LHFPL3: variants seen among roughly 807,000 people sequenced by gnomAD.
LHFPL3 encodes LHFPL tetraspan subfamily member 3 protein.
A neutral mutation model predicts 19.3 loss-of-function variants in LHFPL3; 5 were observed. The observed-to-expected ratio is 0.26, with a 90% CI of 0.14 to 0.54. The LOEUF is 0.54. Ranked by LOEUF, LHFPL3 falls within the 20% of genes least tolerant of loss-of-function variation. The pLI is 0.94. For missense variants in LHFPL3, 249 were observed against 307.4 expected (o/e 0.81, Z 1.42); for synonymous variants, 133 against 126.2 (o/e 1.05, Z -0.36).
In LHFPL3 at chr7:104,329,286, C is replaced by T. The variant is rs559850183; in HGVS notation, c.445+62C>T. The T allele has an allele frequency of 5.7e-4, 873 of 1,531,926 alleles. 6 individuals are homozygous for T. The African/African-American group carries it at 0.01, about 18-fold the overall frequency. 94.9% of individuals were successfully genotyped at this position (1,531,926 alleles called of 1,614,324 possible). ...CCGGGGCGCCCGAGCCGGGGAGGGG[C>T]CAGAGTGGGAGGGACGGGGGCTGTG... On this transcript the variant is annotated intron_variant, in intron 1 of 2. Coordinates refer to ENST00000424859, the MANE Select transcript of LHFPL3 (RefSeq NM_199000.3).
At chr7:104,629,792 C>T (rs1791608399) in intron 1 of LHFPL3, among the ~76,000 whole-genome samples, 1 of 152,190 alleles carries the variant, frequency 6.6e-6, no homozygotes, top group African/African-American at 2.4e-5. Flanking sequence ...CTTTAGCTGA[C>T]TCTTCAGCTT....
intron 1 of LHFPL3, among the ~76,000 whole-genome samples, chr7:104,344,426 C>T (rs1790024693): frequency 6.6e-6 from 1 of 152,132 alleles, no homozygotes; most frequent in African/African-American, 2.4e-5. Context: ...CACCCTTCCC[C>T]TTCTGAATCT....
chr7:104,397,798 A>G (rs1791221577), intron 1 of LHFPL3, among the ~76,000 whole-genome samples: 1 of 152,212 alleles, frequency 6.6e-6, no homozygotes, highest in African/African-American at 2.4e-5. Flanking sequence ...AGGTGACAGC[A>G]GACTTGGCTT....
At chr7:104,736,953 A>T (rs182606402) in intron 2 of LHFPL3, 42 bp downstream of exon 2, 2 of 1,472,760 alleles carry the variant, frequency 1.4e-6, no homozygotes. Context: ...TGCCTCAAGC[A>T]CAAAAAAATG....
Position 104,583,613 on chromosome 7 carries a change from A to G in LHFPL3, c.446-153062A>G, listed in dbSNP as rs372608899. Among the ~76,000 whole-genome samples the G allele has an allele frequency of 9.8e-5, 15 of 152,370 alleles. No homozygotes were observed. In the East Asian group the frequency reaches 1.9e-3, roughly 20 times the overall value. On this transcript the variant is annotated intron_variant, in intron 1 of 2. Coordinates refer to ENST00000424859, the MANE Select transcript of LHFPL3 (RefSeq NM_199000.3). ...TACGAAGAACCCAAACAAATTTACA[A>G]GAAAACAAATAACCCCATCAAAAAG...
At chr7:104,860,177 C>CA (rs1491381586) in intron 2 of LHFPL3, among the ~76,000 whole-genome samples, 1,566 of 66,054 alleles carry the variant, frequency 0.024, 15 homozygotes, top group South Asian at 0.08. Context: ...CATACACCCA[C>CA]CCACACACAC....
At chr7:104,449,128 AAGAT>A (rs1792384226) in intron 1 of LHFPL3, among the ~76,000 whole-genome samples, 5 of 152,324 alleles carry the variant, frequency 3.3e-5, no homozygotes, top group African/African-American at 1.2e-4. Context: ...TCTGAACTGA[AAGAT>A]AGAATTCTGC....
chr7:104,831,879 C>T (rs893117740), intron 2 of LHFPL3, among the ~76,000 whole-genome samples: 2 of 151,884 alleles, frequency 1.3e-5, no homozygotes, highest in Admixed American at 6.6e-5. Flanking sequence ...TTTGTTTTAT[C>T]GGTAAATGGA....
intron 2 of LHFPL3, among the ~76,000 whole-genome samples, chr7:104,897,351 CTG>C (rs1440657429): frequency 6.6e-6 from 1 of 152,160 alleles, no homozygotes; most frequent in Non-Finnish European, 1.5e-5. Flanking sequence ...CTTCTGGACT[CTG>C]CAGTCCGCTT....
intron 1 of LHFPL3, among the ~76,000 whole-genome samples, chr7:104,587,421 C>A (rs1291864371): frequency 6.6e-6 from 1 of 152,192 alleles, no homozygotes; most frequent in Non-Finnish European, 1.5e-5. Context: ...TTTCCAGCTT[C>A]ATCCATGTCC....
intron 1 of LHFPL3, among the ~76,000 whole-genome samples, chr7:104,464,879 T>G (rs1041158821): frequency 6.6e-6 from 1 of 152,240 alleles, no homozygotes; most frequent in African/African-American, 2.4e-5. Flanking sequence ...TGTCTCCCCA[T>G]TGCTTATGCA....
At chr7:104,513,339 G>A (rs1157014007) in intron 1 of LHFPL3, among the ~76,000 whole-genome samples, 1 of 152,080 alleles carries the variant, frequency 6.6e-6, no homozygotes, top group African/African-American at 2.4e-5. Context: ...GAAAATGTGT[G>A]GTACATGTTC....
chr7:104,843,706 G>A (rs1791258171), intron 2 of LHFPL3, among the ~76,000 whole-genome samples: 1 of 152,018 alleles, frequency 6.6e-6, no homozygotes, highest in East Asian at 1.9e-4. Flanking sequence ...AACTATCTCG[G>A]GCCAGTGATG....
chr7:104,670,749 G>A (rs1411811088), intron 1 of LHFPL3, among the ~76,000 whole-genome samples: 1 of 152,154 alleles, frequency 6.6e-6, no homozygotes. Context: ...CAGTTAAATT[G>A]GGAGCCTTTC....
chr7:104,604,653 G>A (rs987822075), intron 1 of LHFPL3, among the ~76,000 whole-genome samples: 1 of 152,204 alleles, frequency 6.6e-6, no homozygotes, highest in Non-Finnish European at 1.5e-5. Flanking sequence ...GACTTAAAGT[G>A]CTGGAATTCT....
chr7:104,718,617 A>T (rs1236406128), intron 1 of LHFPL3, among the ~76,000 whole-genome samples: 2 of 152,214 alleles, frequency 1.3e-5, no homozygotes, highest in Non-Finnish European at 2.9e-5. Flanking sequence ...GAAGACATTT[A>T]GTCAGCTTGT....
chr7:104,639,712 G>A (rs1288106239), intron 1 of LHFPL3, among the ~76,000 whole-genome samples: 1 of 152,066 alleles, frequency 6.6e-6, no homozygotes, highest in African/African-American at 2.4e-5. Flanking sequence ...ACTATGGTTT[G>A]GCTCTTGAAA....
chr7:104,637,161 T>C (rs1791743695), intron 1 of LHFPL3, among the ~76,000 whole-genome samples: 1 of 152,246 alleles, frequency 6.6e-6, no homozygotes, highest in Admixed American at 6.5e-5. Context: ...TTCATATGCT[T>C]GTTGACTGCA....
intron 2 of LHFPL3, among the ~76,000 whole-genome samples, chr7:104,840,356 C>G (rs140197510): frequency 2.4e-4 from 33 of 139,224 alleles, no homozygotes; most frequent in African/African-American, 8.4e-4. Flanking sequence ...CACTCTGTCA[C>G]CGAGGCTGGA....
Sources: allele counts gnomAD v4.1 joint callset (sites outside exome capture counted in the v4.1 genomes callset), GRCh38; gene constraint gnomAD v4.1.1; transcripts MANE v1.5; gene names NCBI Gene and HGNC (gene_info 2026-07-23, HGNC 2026-07-21).